The following VAV3 variants were observed in gnomAD, a reference collection of about 807,000 sequenced individuals.
The protein encoded by VAV3 is guanine nucleotide exchange factor VAV3.
A neutral mutation model predicts 131.2 loss-of-function variants in VAV3; 94 were observed. That is an observed-to-expected ratio of 0.72 (90% confidence interval 0.61 to 0.85). The LOEUF is 0.85. VAV3 is among the 40% of genes least tolerant of loss of function. The pLI is 0.00. For missense variants in VAV3, 939 were observed against 1,002.7 expected, an observed-to-expected ratio of 0.94 and a Z score of 0.86; for synonymous variants, 349 against 342.0, an observed-to-expected ratio of 1.02 and a Z score of -0.22.
chr1:107,599,230 G>C (rs1264681467), intron 24 of VAV3, among the ~76,000 whole-genome samples: 1 of 152,106 alleles, frequency 6.6e-6, no homozygotes, highest in Non-Finnish European at 1.5e-5. Flanking sequence ...TCTTACGAGG[G>C]TAAATCTTCC....
chr1:107,852,751 G>T (rs1284628388), intron 2 of VAV3, among the ~76,000 whole-genome samples: 2 of 152,040 alleles, frequency 1.3e-5, no homozygotes, highest in African/African-American at 4.8e-5. Flanking sequence ...TTTTATTAAT[G>T]TCTTAAAAGT....
intron 1 of VAV3, among the ~76,000 whole-genome samples, chr1:107,897,519 G>T (rs1319223089): frequency 6.6e-6 from 1 of 151,762 alleles, no homozygotes; most frequent in Non-Finnish European, 1.5e-5. Flanking sequence ...AGGAAGTGAG[G>T]CAGGAAAGGA....
chr1:107,707,428 T>C (rs1037295690), intron 15 of VAV3, among the ~76,000 whole-genome samples: 1 of 152,206 alleles, frequency 6.6e-6, no homozygotes, highest in Non-Finnish European at 1.5e-5. Flanking sequence ...GTGATATATG[T>C]AACGTGCTTA....
chr1:107,772,604 G>A (rs1665109630), intron 5 of VAV3, 131 bp downstream of exon 5: 1 of 685,220 alleles, frequency 1.5e-6, no homozygotes, highest in Non-Finnish European at 2.4e-6. Flanking sequence ...GCAGTAACAA[G>A]TCATAATTAT....
intron 1 of VAV3, among the ~76,000 whole-genome samples, chr1:107,963,983 G>A (rs1338817751): frequency 6.6e-6 from 1 of 152,238 alleles, no homozygotes; most frequent in African/African-American, 2.4e-5. Flanking sequence ...ACTGCAGGAA[G>A]GAAAGCGGAA....
At chr1:107,730,519 A>T (rs1409531820) in intron 15 of VAV3, among the ~76,000 whole-genome samples, 1 of 152,204 alleles carries the variant, frequency 6.6e-6, no homozygotes, top group Admixed American at 6.5e-5. Flanking sequence ...GCTCAAAATC[A>T]TATTAGACTG....
intron 15 of VAV3, among the ~76,000 whole-genome samples, chr1:107,722,362 A>G (rs1441440350): frequency 6.6e-6 from 1 of 152,158 alleles, no homozygotes; most frequent in East Asian, 1.9e-4. Flanking sequence ...TCTCTATTCT[A>G]CAGTCTCTAT....
chr1:107,728,722 C>T (rs1160917724), intron 15 of VAV3, among the ~76,000 whole-genome samples: 1 of 151,962 alleles, frequency 6.6e-6, no homozygotes. Flanking sequence ...TATAAACTTG[C>T]ATGAGTCTAA....
At chr1:107,648,271 C>T (rs1478820418) in intron 19 of VAV3, among the ~76,000 whole-genome samples, 2 of 152,024 alleles carry the variant, frequency 1.3e-5, no homozygotes, top group African/African-American at 2.4e-5. Context: ...ACTGACTAGT[C>T]ACTCTTTGGC....
intron 25 of VAV3, among the ~76,000 whole-genome samples, chr1:107,591,458 G>A (rs370297074): frequency 6.6e-6 from 1 of 152,238 alleles, no homozygotes; most frequent in African/African-American, 2.4e-5. Context: ...AATGAATGAA[G>A]CAAATCCAAT....
intron 2 of VAV3, among the ~76,000 whole-genome samples, chr1:107,783,238 G>A (rs1173869115): frequency 1.3e-5 from 2 of 152,144 alleles, no homozygotes; most frequent in African/African-American, 4.8e-5. Context: ...AGTGTGGAAA[G>A]GACAATCACA....
At chr1:107,758,512 T>C (rs1664240042) in intron 10 of VAV3, among the ~76,000 whole-genome samples, 1 of 152,198 alleles carries the variant, frequency 6.6e-6, no homozygotes, top group Admixed American at 6.5e-5. Flanking sequence ...CAGTGAGCCA[T>C]GACTACACCA....
At chr1:107,675,038 G>T (rs1658089502) in intron 19 of VAV3, among the ~76,000 whole-genome samples, 1 of 152,158 alleles carries the variant, frequency 6.6e-6, no homozygotes, top group African/African-American at 2.4e-5. Flanking sequence ...CCCATCACCA[G>T]TTGAGCCTTC....
At chr1:107,795,494 T>C (rs1193237934) in intron 2 of VAV3, among the ~76,000 whole-genome samples, 3 of 152,202 alleles carry the variant, frequency 2.0e-5, no homozygotes, top group Non-Finnish European at 4.4e-5. Flanking sequence ...GTCTGTTTTC[T>C]TTTTATTATC....
At chr1:107,698,203 G>T (rs1451620406) in intron 17 of VAV3, among the ~76,000 whole-genome samples, 1 of 152,168 alleles carries the variant, frequency 6.6e-6, no homozygotes, top group Non-Finnish European at 1.5e-5. Flanking sequence ...GTTCATTTAT[G>T]ATTTTTCCAC....
At chr1:107,768,760 C>T (rs1189988571) in intron 6 of VAV3, among the ~76,000 whole-genome samples, 1 of 151,998 alleles carries the variant, frequency 6.6e-6, no homozygotes, top group African/African-American at 2.4e-5. Context: ...ATAAATGCTT[C>T]CAAAAGGAAG....
chr1:107,916,404 A>C (rs1481592259), intron 1 of VAV3, among the ~76,000 whole-genome samples: 3 of 152,224 alleles, frequency 2.0e-5, no homozygotes, highest in African/African-American at 7.2e-5. Context: ...CTGGTTTCAA[A>C]TATATTGCAA....
At chr1:107,616,444 AG>A (rs1360739894) in intron 21 of VAV3, among the ~76,000 whole-genome samples, 1 of 152,090 alleles carries the variant, frequency 6.6e-6, no homozygotes, top group Non-Finnish European at 1.5e-5. Flanking sequence ...TGAGGGTGGA[AG>A]GTGGGAGGAG....
At chr1:107,845,562 G>C (rs1201044003) in intron 2 of VAV3, among the ~76,000 whole-genome samples, 1 of 151,988 alleles carries the variant, frequency 6.6e-6, no homozygotes, top group Non-Finnish European at 1.5e-5. Flanking sequence ...TAAAAAGTTA[G>C]AGGAATTGCT....
Sources: allele counts gnomAD v4.1 joint callset (sites outside exome capture counted in the v4.1 genomes callset), GRCh38; gene constraint gnomAD v4.1.1; transcripts MANE v1.5; gene names NCBI Gene and HGNC (gene_info 2026-07-23, HGNC 2026-07-21).